Variants in ATAD1 observed in about 807,000 individuals in gnomAD.
ATAD1 encodes the protein outer mitochondrial transmembrane helix translocase.
ATAD1 carries 18 observed loss-of-function variants against 42.7 expected under a neutral mutation model. The ratio of observed to expected loss-of-function variants is 0.42; its 90% CI spans 0.29 to 0.63. The LOEUF is 0.63. Among genes scored for constraint, ATAD1 ranks in the 20% least tolerant of loss-of-function variants. ATAD1 has a pLI of 0.19. For missense variants in ATAD1, 294 were observed against 440.4 expected, an observed-to-expected ratio of 0.67 and a Z score of 2.98; for synonymous variants, 132 against 143.1, an observed-to-expected ratio of 0.92 and a Z score of 0.55.
chr10:87,775,514 T>TA (rs5786793), intron 6 of ATAD1, among the ~76,000 whole-genome samples: 5,165 of 110,496 alleles, frequency 0.047, 155 homozygotes, highest in Admixed American at 0.094. Context: ...AGTGATTCAT[T>TA]AAAAAAAAAA....
At position 87,808,333 on chromosome 10, in the gene ATAD1, CAAA is replaced by C. The variant is rs11289738; in HGVS notation, c.162+6102_162+6104del. Among the ~76,000 whole-genome samples the C allele has an allele frequency of 4.8e-3, 660 of 138,494 alleles. 3 individuals are homozygous for C. The highest frequency in any genetic ancestry group is 7.8e-3 in the Non-Finnish European group (497 of 63,642). The allele number at this position is 138,494 out of a possible 152,430, so 90.9% of individuals were successfully genotyped here. ...GTAAACAAAGTAAACAAAGAAAAGC[CAAA>C]AAAAAAAAAAAAGTAATGAAAAGTA... On this transcript the variant is annotated intron_variant, in intron 2 of 9. Coordinates refer to ENST00000680024, the MANE Select transcript of ATAD1 (RefSeq NM_001321967.2).
intron 2 of ATAD1, among the ~76,000 whole-genome samples, chr10:87,809,641 TTTTATTTA>T (rs144658707): frequency 3.3e-5 from 5 of 150,246 alleles, no homozygotes; most frequent in East Asian, 1.9e-4. Flanking sequence ...TATTTATTAA[TTTTATTTA>T]TTTATTTATT....
At chr10:87,771,195 C>A (rs889316566) in intron 6 of ATAD1, among the ~76,000 whole-genome samples, 154 bp from the exon 7 acceptor site, 6 of 152,086 alleles carry the variant, frequency 3.9e-5, no homozygotes, top group African/African-American at 1.2e-4. Context: ...CAACTATTTA[C>A]AGGTATAAAT....
upstream of ATAD1, among the ~76,000 whole-genome samples, chr10:87,820,337 G>A (rs942315566): frequency 6.6e-6 from 1 of 152,114 alleles, no homozygotes; most frequent in Admixed American, 6.5e-5. Flanking sequence ...GATAGTAATG[G>A]ATTTTCATTC....
intron 6 of ATAD1, among the ~76,000 whole-genome samples, chr10:87,774,875 C>A (rs1855218237): frequency 6.6e-6 from 1 of 152,066 alleles, no homozygotes; most frequent in Non-Finnish European, 1.5e-5. Context: ...ATCGCTTGAG[C>A]CCAGGAGGTT....
chr10:87,797,138 T>C (rs1209706660), intron 2 of ATAD1, among the ~76,000 whole-genome samples: 2 of 152,216 alleles, frequency 1.3e-5, no homozygotes, highest in Non-Finnish European at 2.9e-5. Context: ...CTGGTCTTAA[T>C]TTCTCCTTAC....
At chr10:87,824,277 A>G (rs1201008527) in intron 1 of ATAD1, among the ~76,000 whole-genome samples, 1 of 151,464 alleles carries the variant, frequency 6.6e-6, no homozygotes, top group African/African-American at 2.5e-5. Context: ...ATGACATACG[A>G]TTCAAACCAT....
upstream of ATAD1, among the ~76,000 whole-genome samples, chr10:87,820,660 C>T (rs905023959): frequency 3.3e-5 from 5 of 152,176 alleles, no homozygotes; most frequent in Non-Finnish European, 7.3e-5. Context: ...TCTACAAGCT[C>T]GAAAAGTGCT....
upstream of ATAD1, among the ~76,000 whole-genome samples, chr10:87,821,793 A>T (rs1022003252): frequency 6.6e-6 from 1 of 152,228 alleles, no homozygotes; most frequent in African/African-American, 2.4e-5. Flanking sequence ...ACCCTCCAGA[A>T]CTGGGAGAAA....
chr10:87,796,800 G>A (rs573133346), intron 2 of ATAD1, among the ~76,000 whole-genome samples: 6 of 152,162 alleles, frequency 3.9e-5, no homozygotes, highest in African/African-American at 1.4e-4. Context: ...GGCTCAAACC[G>A]ATAGTACTAT....
chr10:87,760,723 G>GTGC (rs1854444470), intron 8 of ATAD1, among the ~76,000 whole-genome samples: 2 of 151,914 alleles, frequency 1.3e-5, no homozygotes, highest in Non-Finnish European at 2.9e-5. Context: ...GATGAGGCTG[G>GTGC]TCAGCTAGAA....
intron 6 of ATAD1, among the ~76,000 whole-genome samples, chr10:87,775,420 C>CAA (rs35200026): frequency 5.7e-3 from 134 of 23,680 alleles, no homozygotes; most frequent in African/African-American, 0.01. Context: ...GACTCCATCT[C>CAA]AAAAAAAAAA....
intron 1 of ATAD1, among the ~76,000 whole-genome samples, chr10:87,816,229 T>C (rs982463712): frequency 6.6e-6 from 1 of 152,124 alleles, no homozygotes; most frequent in Non-Finnish European, 1.5e-5. Context: ...ACAGAGGCTA[T>C]TCAAAAATTA....
chr10:87,777,818 T>C (rs933564316), intron 5 of ATAD1, among the ~76,000 whole-genome samples: 3 of 152,140 alleles, frequency 2.0e-5, no homozygotes, highest in African/African-American at 4.8e-5. Context: ...TTATAAAAAG[T>C]AATTTCAGCA....
intron 7 of ATAD1, among the ~76,000 whole-genome samples, chr10:87,770,166 T>C (rs929875696): frequency 6.6e-6 from 1 of 152,200 alleles, no homozygotes. Context: ...ACCAATCTGA[T>C]AAATTACAGA....
intron 5 of ATAD1, 74 bp downstream of exon 5, chr10:87,784,396 A>G: frequency 9.9e-6 from 14 of 1,419,112 alleles, no homozygotes; most frequent in Non-Finnish European, 1.4e-5. Context: ...AATAAATGTT[A>G]AAAACTAAAT....
intron 1 of ATAD1, among the ~76,000 whole-genome samples, chr10:87,829,253 A>G (rs1857786200): frequency 1.3e-5 from 2 of 150,168 alleles, no homozygotes; most frequent in East Asian, 1.9e-4. Flanking sequence ...TTATTTATTT[A>G]TTTATTTATT....
At chr10:87,795,462 C>CT (rs1190372410) in intron 2 of ATAD1, among the ~76,000 whole-genome samples, 2 of 88,934 alleles carry the variant, frequency 2.2e-5, no homozygotes, top group African/African-American at 1.1e-4. Flanking sequence ...CCATGGTTTG[C>CT]TTGTTTTTTT....
chr10:87,800,716 G>T (rs1856654109), intron 2 of ATAD1, among the ~76,000 whole-genome samples: 1 of 152,034 alleles, frequency 6.6e-6, no homozygotes, highest in Non-Finnish European at 1.5e-5. Context: ...GGTCTAAAAA[G>T]GACACCAAGT....
Sources: gnomAD v4.1 joint callset for allele counts (sites outside exome capture counted in the v4.1 genomes callset) on GRCh38, gnomAD v4.1.1 for gene constraint, MANE v1.5 for transcripts, NCBI Gene and HGNC (gene_info 2026-07-23, HGNC 2026-07-21) for gene names.